EVC: variants seen among roughly 807,000 people sequenced by gnomAD.
The protein encoded by EVC is evC complex member EVC.
Under a neutral mutation model 118.9 loss-of-function variants are expected in EVC, and 116 were observed. The observed-to-expected ratio is 0.98, with a 90% CI of 0.84 to 1.14. The LOEUF (loss-of-function observed/expected upper bound fraction) is 1.14, where lower values mean the gene tolerates loss of function less well. Ranked by LOEUF, EVC falls within the 50% of genes most tolerant of loss-of-function variation. EVC has a pLI of 0.00. For synonymous variants in EVC, 619 were observed against 534.7 expected (o/e 1.16, Z -2.18); for missense variants, 1,401 against 1,246.4 (o/e 1.12, Z -1.87).
At chr4:5,751,522 C>T (rs899692) in intron 8 of EVC, among the ~76,000 whole-genome samples, 44,430 of 152,232 alleles carry the variant, frequency 0.29, 7,360 homozygotes, top group Admixed American at 0.41. Context: ...TGAGCCTCGC[C>T]GTCCTTGTCC....
In EVC at chr4:5,789,099, C is replaced by T. The variant is rs1236648896; in HGVS notation, c.1777-4509C>T. ...TACACTTTAATTGGCAGTGACTTTTCTCTGTTAGTGATACTGGAAATAATT... is the reference window on the plus strand; with the variant it reads ...TACACTTTAATTGGCAGTGACTTTTTTCTGTTAGTGATACTGGAAATAATT... On this transcript the variant is annotated intron_variant, in intron 12 of 20. Transcript: ENST00000264956. This position sits in a 1 kb window ranked among gnomAD's most constrained non-coding sequence, Gnocchi z 4.3. 1.3e-5 allele frequency among the ~76,000 whole-genome samples: 2 copies of T among 152,174 alleles called. No individual in the cohort carries two copies. The highest frequency in any genetic ancestry group is 4.8e-5 in the African/African-American group (2 of 41,448).
chr4:5,724,875 C>T (rs1362539314), intron 2 of EVC, among the ~76,000 whole-genome samples: 1 of 152,052 alleles, frequency 6.6e-6, no homozygotes, highest in African/African-American at 2.4e-5. Flanking sequence ...TCCTCTCCCT[C>T]CCCTCGCCCC....
chr4:5,827,252 C>G, the EVC span, among the ~76,000 whole-genome samples: 3 of 152,240 alleles, frequency 2.0e-5, no homozygotes, highest in Admixed American at 6.5e-5. Flanking sequence ...AGGGGTGTGT[C>G]TGCCTCTTCA....
chr4:5,782,158 A>G (rs1466578258), intron 11 of EVC, among the ~76,000 whole-genome samples: 1 of 152,014 alleles, frequency 6.6e-6, no homozygotes, highest in African/African-American at 2.4e-5. Context: ...GCCCACTGCA[A>G]CCTGGACCAG....
At position 5,811,358 on chromosome 4, in the gene EVC, C is replaced by T; in HGVS notation, c.*321C>T. The T allele has an allele frequency of 2.7e-6, 1 of 369,480 alleles. No individual in the cohort carries two copies. Among genetic ancestry groups the T allele is most frequent in the South Asian group, 2.4e-5 (1 of 41,002 alleles). The allele number at this position is 369,480 out of a possible 1,614,324, so 22.9% of individuals were successfully genotyped here. ...GGGTCCGAGCCTCAGGCCAAGGACC[C>T]CTGATGCAGACTCTGGAATCCCTGG... On this transcript the variant is annotated 3_prime_UTR_variant, in exon 21 of 21. Transcript: ENST00000264956.
chr4:5,819,459 G>A, the EVC span, among the ~76,000 whole-genome samples: 1 of 152,226 alleles, frequency 6.6e-6, no homozygotes, highest in African/African-American at 2.4e-5. Flanking sequence ...GATTATCTGA[G>A]CTACCAGGTC....
chr4:5,811,179 T>C lies in EVC; in HGVS notation c.*142T>C, dbSNP rs1716861863. 5.7e-6 allele frequency: 4 copies of C among 705,030 alleles called. No homozygotes were observed. The highest frequency in any genetic ancestry group is 3.6e-5 in the African/African-American group (2 of 55,974). 43.7% of individuals were successfully genotyped at this position (705,030 alleles called of 1,614,324 possible). A position where few individuals can be genotyped will look rare whatever the true frequency, so the allele number is the denominator to read the frequency against. On this transcript the variant is annotated 3_prime_UTR_variant, in exon 21 of 21. Coordinates refer to ENST00000264956, the MANE Select transcript of EVC (RefSeq NM_153717.3). ...TCTTCTGAGAGGGACAGAGAAAGAATAGAAATGTGCCCTAAAAGCATAAAT... is the reference window on the plus strand; with the variant it reads ...TCTTCTGAGAGGGACAGAGAAAGAACAGAAATGTGCCCTAAAAGCATAAAT...
intron 8 of EVC, among the ~76,000 whole-genome samples, chr4:5,752,092 C>T (rs995636360): frequency 1.3e-5 from 2 of 152,106 alleles, no homozygotes; most frequent in African/African-American, 2.4e-5. Flanking sequence ...CCTGTGGCCT[C>T]GGCCCAGCAC....
rs537380670 is a variant in EVC, at chr4:5,792,436, A to G, written c.1777-1172A>G. Among the ~76,000 whole-genome samples the G allele has an allele frequency of 2.0e-5, 3 of 152,364 alleles. No individual in the cohort carries two copies. In the East Asian group the frequency reaches 5.8e-4, roughly 29 times the overall value. ...AGTCATTGCATAGTGTAAGAGGAAC[A>G]TACAACAATTTAGCCACAAAACACA... is the stretch of plus-strand genomic sequence containing the variant. On this transcript the variant is annotated intron_variant, in intron 12 of 20. Coordinates refer to ENST00000264956, the MANE Select transcript of EVC (RefSeq NM_153717.3).
intron 8 of EVC, among the ~76,000 whole-genome samples, chr4:5,751,366 C>T (rs756744330): frequency 8.5e-5 from 13 of 152,194 alleles, no homozygotes; most frequent in Admixed American, 2.6e-4. Flanking sequence ...ATAAGCACAT[C>T]GATTGCACCA....
chr4:5,741,677 T>G (rs1201482075), intron 5 of EVC, 39 bp from the exon 6 acceptor site: 2 of 1,262,748 alleles, frequency 1.6e-6, no homozygotes, highest in South Asian at 2.4e-5. Context: ...TACCATTGAT[T>G]AAACTTTTCT....
chr4:5,801,985 C>T lies in EVC; in HGVS notation c.2340C>T (p.Tyr780=), dbSNP rs747263163. 33 of 1,613,930 alleles carry T rather than the reference C, an allele frequency of 2.0e-5. No homozygotes were observed. The highest frequency in any genetic ancestry group is 1.7e-4 in the Admixed American group (10 of 60,008). Reference sequence around the variant, plus strand: ...TGGAGGCGGCAGTGGAGAGCGTCTACGTGACCAGCGCTGGTGTCAGCCGCC... The same window carrying T: ...TGGAGGCGGCAGTGGAGAGCGTCTATGTGACCAGCGCTGGTGTCAGCCGCC... ...TLMEAAVESV[Y]VTSAGVSRLV... Residue 780 remains tyrosine, a synonymous_variant, in exon 16 of 21, where the codon TAC becomes TAT. Transcript: ENST00000264956.
intron 17 of EVC, among the ~76,000 whole-genome samples, chr4:5,806,994 C>T (rs763687275): frequency 6.6e-5 from 10 of 151,924 alleles, no homozygotes; most frequent in African/African-American, 1.2e-4. Context: ...TTTTTAAGAA[C>T]GTCTATTCAT....
At chr4:5,733,582 C>A in intron 5 of EVC, 147 bp downstream of exon 5, 1 of 774,900 alleles carries the variant, frequency 1.3e-6, no homozygotes, top group East Asian at 2.5e-5. Flanking sequence ...GCGGCGCTGT[C>A]AGGCATGCAG....
At position 5,719,003 on chromosome 4, in the gene EVC, C is replaced by T. The variant is rs536669379; in HGVS notation, c.175-245C>T. On this transcript the variant is annotated intron_variant, in intron 1 of 20. Coordinates refer to ENST00000264956, the MANE Select transcript of EVC (RefSeq NM_153717.3). The surrounding 1 kb of genome is among the most constrained non-coding windows in gnomAD (Gnocchi z 4.7). ...GTCCTGAGGGTGCACTGAAATGGGG[C>T]ATCCTGGAGGCCTTAGGGGAACCGC... Among the ~76,000 whole-genome samples the T allele has an allele frequency of 2.0e-5, 3 of 152,194 alleles. No homozygotes were observed. Among genetic ancestry groups the T allele is most frequent in the Non-Finnish European group, 4.4e-5 (3 of 68,034 alleles).
intron 6 of EVC, among the ~76,000 whole-genome samples, chr4:5,744,538 G>A (rs1015241063): frequency 6.6e-6 from 1 of 152,182 alleles, no homozygotes; most frequent in East Asian, 1.9e-4. Context: ...TAGAAATGTA[G>A]CTTTGTTACT....
chr4:5,721,083 T>A (rs1250254352), intron 2 of EVC, among the ~76,000 whole-genome samples: 1 of 152,054 alleles, frequency 6.6e-6, no homozygotes, highest in Non-Finnish European at 1.5e-5. Flanking sequence ...GAGCTTCAGG[T>A]GCATGGCATC....
chr4:5,728,182 A>C (rs970224660), intron 2 of EVC, among the ~76,000 whole-genome samples: 1 of 152,166 alleles, frequency 6.6e-6, no homozygotes, highest in Non-Finnish European at 1.5e-5. Context: ...CATTTTCACG[A>C]TACTGATTCT....
the EVC span, chr4:5,825,903 G>C: frequency 1.9e-6 from 1 of 513,330 alleles, no homozygotes; most frequent in Non-Finnish European, 3.4e-6. The surrounding 1 kb of genome is among the most constrained non-coding windows in gnomAD (Gnocchi z 4.4). Context: ...ACATACAGAC[G>C]CACACACCAC....
Sources: allele counts gnomAD v4.1 joint callset (sites outside exome capture counted in the v4.1 genomes callset), GRCh38; gene constraint gnomAD v4.1.1; non-coding constraint Gnocchi (gnomAD v3.1); transcripts MANE v1.5; gene names NCBI Gene and HGNC (gene_info 2026-07-23, HGNC 2026-07-21).